Variants in RALYL observed in about 807,000 individuals in gnomAD.
RALYL encodes the protein RNA-binding Raly-like protein.
RALYL carries 29 observed loss-of-function variants against 35.1 expected under a neutral mutation model. The ratio of observed to expected loss-of-function variants is 0.83; its 90% CI spans 0.61 to 1.13. The LOEUF is 1.13. Ranked by LOEUF, RALYL falls within the 50% of genes most tolerant of loss-of-function variation. RALYL has a pLI of 0.00. For synonymous variants in RALYL, 120 were observed against 127.6 expected (o/e 0.94, Z 0.40); for missense variants, 359 against 360.4 (o/e 1.00, Z 0.03).
intron 2 of RALYL, among the ~76,000 whole-genome samples, chr8:84,692,983 C>T (rs1185269800): frequency 6.6e-6 from 1 of 151,972 alleles, no homozygotes; most frequent in Non-Finnish European, 1.5e-5. Flanking sequence ...CAAATTATCT[C>T]CTGAAATCTT....
At chr8:84,736,845 T>C (rs1753650104) in intron 2 of RALYL, among the ~76,000 whole-genome samples, 1 of 152,050 alleles carries the variant, frequency 6.6e-6, no homozygotes, top group Non-Finnish European at 1.5e-5. Context: ...ATGATAGATA[T>C]TATGTTACCC....
intron 1 of RALYL, among the ~76,000 whole-genome samples, chr8:84,450,366 A>G (rs2049330319): frequency 6.6e-6 from 1 of 151,908 alleles, no homozygotes; most frequent in African/African-American, 2.4e-5. Flanking sequence ...TGCACTCAAT[A>G]TAGCAGTAAT....
chr8:84,235,331 A>G (rs1826269032), intron 1 of RALYL, among the ~76,000 whole-genome samples: 1 of 152,208 alleles, frequency 6.6e-6, no homozygotes, highest in African/African-American at 2.4e-5. Context: ...CAACTGAACC[A>G]CTTTAGACAT....
chr8:84,727,838 G>A (rs1020639923), intron 2 of RALYL, among the ~76,000 whole-genome samples: 11 of 152,062 alleles, frequency 7.2e-5, no homozygotes, highest in African/African-American at 2.4e-4. Flanking sequence ...ATTCCATGGT[G>A]TATATGTGCC....
chr8:84,797,582 T>C (rs1209636709), intron 3 of RALYL, among the ~76,000 whole-genome samples: 1 of 152,118 alleles, frequency 6.6e-6, no homozygotes, highest in Admixed American at 6.5e-5. Context: ...TGCACCCACA[T>C]TGGTCTTTAA....
chr8:84,774,633 G>A lies in RALYL; in HGVS notation c.311G>A (p.Arg104Lys). 6.2e-7 allele frequency: 1 copy of A among 1,609,142 alleles called. No individual in the cohort carries two copies. The highest frequency in any genetic ancestry group is 8.5e-7 in the Non-Finnish European group (1 of 1,177,312). ...KPYRPKPGNK[R>K]PLSALYRLES... is the part of the protein sequence containing the mutation. Reference sequence around the variant, plus strand: ...TACAGACCAAAACCTGGAAACAAGAGGCCCCTTTCTGCACTTTACAGGTAA... The same window carrying A: ...TACAGACCAAAACCTGGAAACAAGAAGCCCCTTTCTGCACTTTACAGGTAA... The change falls in exon 3 of 9, where the codon AGG becomes AAG. Residue 104 changes from arginine to lysine, a missense_variant. Coordinates refer to ENST00000521268, the MANE Select transcript of RALYL (RefSeq NM_173848.7).
intron 1 of RALYL, among the ~76,000 whole-genome samples, chr8:84,426,442 G>GTA (rs2046455476): frequency 6.8e-6 from 1 of 148,000 alleles, no homozygotes. Context: ...CTCTCTCTGT[G>GTA]TGTGTGTGTG....
At chr8:84,550,749 A>C (rs985301032) in intron 2 of RALYL, among the ~76,000 whole-genome samples, 9 of 151,870 alleles carry the variant, frequency 5.9e-5, no homozygotes, top group African/African-American at 2.2e-4. Flanking sequence ...TATTCTGACA[A>C]TTTTCTGCAA....
At chr8:84,450,342 A>G (rs1335810352) in intron 1 of RALYL, among the ~76,000 whole-genome samples, 1 of 151,884 alleles carries the variant, frequency 6.6e-6, no homozygotes, top group Non-Finnish European at 1.5e-5. Flanking sequence ...ACTGGGAGTA[A>G]TAATATGGGC....
chr8:84,500,056 G>A (rs563693587), intron 1 of RALYL, among the ~76,000 whole-genome samples: 22 of 152,208 alleles, frequency 1.4e-4, no homozygotes, highest in African/African-American at 5.3e-4. Flanking sequence ...TGTGCCTGGA[G>A]TGATTTTTAA....
At chr8:84,200,855 T>A (rs1002195064) in intron 1 of RALYL, among the ~76,000 whole-genome samples, 1 of 152,206 alleles carries the variant, frequency 6.6e-6, no homozygotes, top group Non-Finnish European at 1.5e-5. Context: ...CTTTTACTAG[T>A]TCACAAACTA....
intron 1 of RALYL, among the ~76,000 whole-genome samples, chr8:84,196,279 G>A (rs1815253874): frequency 6.6e-6 from 1 of 152,130 alleles, no homozygotes; most frequent in Non-Finnish European, 1.5e-5. Context: ...GGGAAGCGTG[G>A]AAGAGGGGAG....
intron 2 of RALYL, among the ~76,000 whole-genome samples, chr8:84,742,464 AAAAAAATTAACCTG>A (rs2133073000): frequency 6.6e-6 from 1 of 152,184 alleles, no homozygotes; most frequent in Non-Finnish European, 1.5e-5. Context: ...ATTGTTTTAA[AAAAAAATTAACCTG>A]AAAAAGTTAA....
intron 1 of RALYL, among the ~76,000 whole-genome samples, chr8:84,201,527 T>A (rs545843854): frequency 6.6e-6 from 1 of 152,164 alleles, no homozygotes; most frequent in African/African-American, 2.4e-5. Flanking sequence ...AGTTATTTAG[T>A]TGCCTAATTG....
intron 2 of RALYL, among the ~76,000 whole-genome samples, chr8:84,613,558 AAAT>A (rs1818784963): frequency 6.6e-6 from 1 of 151,506 alleles, no homozygotes; most frequent in Admixed American, 6.6e-5. Flanking sequence ...TTAGATGAGA[AAAT>A]TTAGACACAC....
intron 3 of RALYL, among the ~76,000 whole-genome samples, chr8:84,798,265 C>A (rs904292487): frequency 9.2e-5 from 14 of 151,924 alleles, no homozygotes; most frequent in African/African-American, 3.4e-4. Context: ...ATTCCCCAAC[C>A]TGAACTCTCT....
chr8:84,403,646 G>T (rs548162504), intron 1 of RALYL, among the ~76,000 whole-genome samples: 1 of 146,354 alleles, frequency 6.8e-6, no homozygotes, highest in South Asian at 2.2e-4. Flanking sequence ...TTTTTGCTTA[G>T]GATCATCTTG....
intron 2 of RALYL, among the ~76,000 whole-genome samples, chr8:84,600,532 G>A (rs760935144): frequency 3.3e-5 from 5 of 152,004 alleles, no homozygotes; most frequent in African/African-American, 1.2e-4. Flanking sequence ...GTAAAAGGAG[G>A]TTGGTATTTG....
intron 1 of RALYL, among the ~76,000 whole-genome samples, chr8:84,201,797 C>A (rs1816908427): frequency 6.6e-6 from 1 of 151,908 alleles, no homozygotes; most frequent in Admixed American, 6.6e-5. Context: ...GAACTCCTGA[C>A]CTCAAGCGAT....
Sources: gnomAD v4.1 joint callset for allele counts (sites outside exome capture counted in the v4.1 genomes callset) on GRCh38, gnomAD v4.1.1 for gene constraint, MANE v1.5 for transcripts, NCBI Gene and HGNC (gene_info 2026-07-23, HGNC 2026-07-21) for gene names.